The following MECOM variants were observed in gnomAD, a reference collection of about 807,000 sequenced individuals.
MECOM encodes the protein histone-lysine N-methyltransferase MECOM.
In MECOM, 13 loss-of-function variants were observed where a neutral mutation model predicts 116.3. That is an observed-to-expected ratio of 0.11 (90% CI 0.07 to 0.18). The LOEUF is 0.18. Ranked by LOEUF, MECOM falls within the 10% of genes least tolerant of loss-of-function variation. The probability of loss-of-function intolerance (pLI) is 1.00; values close to 1 mark genes in which losing one functional copy is unlikely to be tolerated. For synonymous variants in MECOM, 528 were observed against 535.2 expected, an observed-to-expected ratio of 0.99 and a Z score of 0.19; for missense variants, 1,299 against 1,509.0, an observed-to-expected ratio of 0.86 and a Z score of 2.31.
At chr3:169,610,132 TTATTTTTA>T (rs1372180789) in intron 1 of MECOM, among the ~76,000 whole-genome samples, 1 of 152,204 alleles carries the variant, frequency 6.6e-6, no homozygotes, top group African/African-American at 2.4e-5. Flanking sequence ...ACTACTCCAC[TTATTTTTA>T]TATTTTTATA....
chr3:169,604,248 T>G (rs1446667595), intron 1 of MECOM, among the ~76,000 whole-genome samples: 1 of 151,168 alleles, frequency 6.6e-6, no homozygotes, highest in African/African-American at 2.4e-5. Context: ...TCTCCCTCCC[T>G]CCCTCTCTCT....
chr3:169,491,790 T>C (rs749974422), intron 1 of MECOM, among the ~76,000 whole-genome samples: 1 of 152,174 alleles, frequency 6.6e-6, no homozygotes, highest in Non-Finnish European at 1.5e-5. Flanking sequence ...ATCCTTCTAG[T>C]TTCGTGTTTC....
chr3:169,578,568 A>C (rs1764767391), intron 1 of MECOM, among the ~76,000 whole-genome samples: 1 of 152,220 alleles, frequency 6.6e-6, no homozygotes, highest in Admixed American at 6.5e-5. Context: ...AATTTATTGC[A>C]GTGATGAAAA....
chr3:169,562,566 G>T (rs1207524271), intron 1 of MECOM, among the ~76,000 whole-genome samples: 1 of 152,144 alleles, frequency 6.6e-6, no homozygotes, highest in Non-Finnish European at 1.5e-5. Flanking sequence ...ATGTTTAATT[G>T]TGTAGCAACA....
chr3:169,592,367 C>T (rs117497326), intron 1 of MECOM, among the ~76,000 whole-genome samples: 1 of 152,336 alleles, frequency 6.6e-6, no homozygotes, highest in East Asian at 1.9e-4. Flanking sequence ...CCTCAGCCAA[C>T]TGCAGCCTAC....
chr3:169,558,764 C>T (rs939302586), intron 1 of MECOM, among the ~76,000 whole-genome samples: 3 of 152,104 alleles, frequency 2.0e-5, no homozygotes, highest in African/African-American at 7.2e-5. Context: ...AAAGAAACAG[C>T]TGCTACAATT....
chr3:169,365,930 A>G lies in MECOM; in HGVS notation c.375+15257T>C, dbSNP rs187223509. ...TTCTTTAGGTATTTATCTATCAAGC[A>G]TCTATTTCTTTAGATATCATGACCT... On this transcript the variant is annotated intron_variant, in intron 2 of 16. Transcript: ENST00000651503. Among the ~76,000 whole-genome samples the G allele has an allele frequency of 2.9e-3, 442 of 152,162 alleles. 1 individual carries two copies. The highest frequency in any genetic ancestry group is 5.1e-3 in the Non-Finnish European group (348 of 67,962).
chr3:169,231,737 G>A (rs147489432), intron 2 of MECOM, among the ~76,000 whole-genome samples: 6 of 151,470 alleles, frequency 4.0e-5, no homozygotes, highest in African/African-American at 1.2e-4. Context: ...GGGAATATCA[G>A]GAGGTGGAAG....
At chr3:169,096,949 T>G (rs1399928386) in intron 12 of MECOM, among the ~76,000 whole-genome samples, 2 of 122,244 alleles carry the variant, frequency 1.6e-5, no homozygotes, top group African/African-American at 6.3e-5. Context: ...ATGGTAGTTG[T>G]AATATTTTAG....
intron 2 of MECOM, among the ~76,000 whole-genome samples, chr3:169,216,346 T>G (rs185367551): frequency 6.6e-6 from 1 of 152,330 alleles, no homozygotes; most frequent in East Asian, 1.9e-4. Flanking sequence ...TCTCTCTTAC[T>G]TATTTCAAGC....
chr3:169,340,392 C>T (rs1385618238), intron 2 of MECOM, among the ~76,000 whole-genome samples: 2 of 152,158 alleles, frequency 1.3e-5, no homozygotes, highest in African/African-American at 4.8e-5. Flanking sequence ...TGTTAGGTTA[C>T]AAGTCTGAGC....
chr3:169,096,162 T>C (rs1280325599), intron 12 of MECOM, among the ~76,000 whole-genome samples: 5 of 152,254 alleles, frequency 3.3e-5, no homozygotes, highest in African/African-American at 1.2e-4. Flanking sequence ...ATTGAGAAGG[T>C]ATTGTCCTCT....
chr3:169,389,460 T>C, intron 1 of MECOM: 1 of 618,762 alleles, frequency 1.6e-6, no homozygotes, highest in Non-Finnish European at 2.0e-6. Context: ...AACAGACTTA[T>C]CACATATCAG....
chr3:169,329,744 C>T (rs557390921), intron 2 of MECOM, among the ~76,000 whole-genome samples: 2 of 152,270 alleles, frequency 1.3e-5, no homozygotes, highest in African/African-American at 4.8e-5. Context: ...TTGAATTCTG[C>T]AAAAATTCTG....
intron 2 of MECOM, among the ~76,000 whole-genome samples, chr3:169,148,250 C>T (rs1283787248): frequency 6.6e-6 from 1 of 152,090 alleles, no homozygotes; most frequent in Non-Finnish European, 1.5e-5. Flanking sequence ...AATTAAAACA[C>T]CTTGAACGCC....
intron 2 of MECOM, among the ~76,000 whole-genome samples, chr3:169,159,314 C>T (rs1219996008): frequency 5.3e-5 from 8 of 152,112 alleles, no homozygotes; most frequent in African/African-American, 1.9e-4. Context: ...CATTCCAGGA[C>T]TCTGGGACGC....
chr3:169,562,981 T>C (rs1438419133), intron 1 of MECOM, among the ~76,000 whole-genome samples: 10 of 151,222 alleles, frequency 6.6e-5, no homozygotes, highest in Non-Finnish European at 2.9e-5. Flanking sequence ...GGAGAATTGC[T>C]TGAACCCAGG....
intron 2 of MECOM, among the ~76,000 whole-genome samples, chr3:169,303,237 A>G (rs1213691107): frequency 2.0e-5 from 3 of 152,186 alleles, no homozygotes; most frequent in Non-Finnish European, 2.9e-5. Context: ...CCACAAAACA[A>G]GAAAGTTCCT....
intron 1 of MECOM, among the ~76,000 whole-genome samples, chr3:169,417,447 A>G (rs547856757): frequency 5.5e-4 from 84 of 152,202 alleles, no homozygotes; most frequent in Non-Finnish European, 1.0e-3. Context: ...TCATTAAAAA[A>G]TCAGGAAACA....
Sources: gnomAD v4.1 joint callset for allele counts (sites outside exome capture counted in the v4.1 genomes callset) on GRCh38, gnomAD v4.1.1 for gene constraint, MANE v1.5 for transcripts, NCBI Gene and HGNC (gene_info 2026-07-23, HGNC 2026-07-21) for gene names.